Variants in LRP1B observed in about 807,000 individuals in gnomAD.
LRP1B encodes the protein LDL receptor related protein 1B, also known as low-density lipoprotein receptor-related protein 1B.
In LRP1B, 217 loss-of-function variants were observed where a neutral mutation model predicts 556.6. The observed-to-expected ratio is 0.39, with a 90% CI of 0.35 to 0.44. The LOEUF is 0.44. Among genes scored for constraint, LRP1B ranks in the 20% least tolerant of loss-of-function variants. The probability of loss-of-function intolerance (pLI) is 1.00; values close to 1 mark genes in which losing one functional copy is unlikely to be tolerated. For synonymous variants in LRP1B, 2,047 were observed against 1,865.8 expected (o/e 1.10, Z -2.50); for missense variants, 5,053 against 5,620.8 (o/e 0.90, Z 3.23).
chr2:140,782,836 T>C (rs535521385), intron 32 of LRP1B, among the ~76,000 whole-genome samples: 6 of 152,194 alleles, frequency 3.9e-5, no homozygotes, highest in Admixed American at 6.5e-5. Flanking sequence ...AATTGTCTTA[T>C]TTCATTGTCA....
intron 1 of LRP1B, among the ~76,000 whole-genome samples, chr2:141,888,341 G>A (rs1239745207): frequency 6.6e-6 from 1 of 152,184 alleles, no homozygotes; most frequent in East Asian, 1.9e-4. Flanking sequence ...GAAGTGTGAA[G>A]AGGAAGGTAA....
At chr2:141,989,707 A>G (rs543936678) in intron 1 of LRP1B, among the ~76,000 whole-genome samples, 1 of 152,050 alleles carries the variant, frequency 6.6e-6, no homozygotes, top group South Asian at 2.1e-4. Context: ...ATGGTTTTAT[A>G]ATGGCTTCCC....
At chr2:141,237,680 G>T (rs1312698068) in intron 5 of LRP1B, among the ~76,000 whole-genome samples, 9 of 152,142 alleles carry the variant, frequency 5.9e-5, no homozygotes, top group African/African-American at 2.2e-4. Context: ...TGATAATTGA[G>T]AAGCAATTCA....
At position 140,381,861 on chromosome 2, in the gene LRP1B, CAAAA is replaced by C. The variant is rs56723132; in HGVS notation, c.10532-3579_10532-3576del. On this transcript the variant is annotated intron_variant, in intron 67 of 90. Coordinates refer to ENST00000389484, the MANE Select transcript of LRP1B (RefSeq NM_018557.3). ...TGGGCAACAAAGTGAGGCTCCCTTTCAAAAAAAAAAAAAAAAAAAAAAAAAGAGG... is the reference window on the plus strand; with the variant it reads ...TGGGCAACAAAGTGAGGCTCCCTTTCAAAAAAAAAAAAAAAAAAAAAGAGG... Among the ~76,000 whole-genome samples, 15 of 64,198 alleles carry C rather than the reference CAAAA, an allele frequency of 2.3e-4. No homozygotes were observed. In the East Asian group the frequency reaches 4.2e-3, roughly 18 times the overall value. 42.1% of individuals were successfully genotyped at this position (64,198 alleles called of 152,430 possible). A position where few individuals can be genotyped will look rare whatever the true frequency, so the allele number is the denominator to read the frequency against.
At chr2:141,222,387 A>C (rs1683082596) in intron 6 of LRP1B, among the ~76,000 whole-genome samples, 1 of 152,106 alleles carries the variant, frequency 6.6e-6, no homozygotes, top group Non-Finnish European at 1.5e-5. Flanking sequence ...GACACTAATA[A>C]ATAGCCTACC....
chr2:140,916,245 C>G (rs1694575721), intron 21 of LRP1B, among the ~76,000 whole-genome samples: 1 of 151,986 alleles, frequency 6.6e-6, no homozygotes, highest in Non-Finnish European at 1.5e-5. Flanking sequence ...ATATATAACC[C>G]ATCATATAAT....
chr2:142,000,391 C>T lies in LRP1B; in HGVS notation c.82+130257G>A, dbSNP rs560384348. Among the ~76,000 whole-genome samples the T allele has an allele frequency of 5.3e-5, 8 of 152,204 alleles. No homozygotes were observed. In the South Asian group the frequency reaches 1.7e-3, roughly 32 times the overall value. On this transcript the variant is annotated intron_variant, in intron 1 of 90. Transcript: ENST00000389484. ...TGAGCCACACTGGGCCAAAGTGGTC[C>T]TAAATAATTTATACATAATTACAAT...
At chr2:141,699,423 T>C (rs1358844152) in intron 2 of LRP1B, among the ~76,000 whole-genome samples, 2 of 151,826 alleles carry the variant, frequency 1.3e-5, no homozygotes, top group African/African-American at 2.4e-5. Context: ...CATTTGTAAA[T>C]GTTGATAGTG....
intron 41 of LRP1B, chr2:140,683,949 G>C (rs1283535935): frequency 1.1e-5 from 4 of 376,166 alleles, no homozygotes; most frequent in Non-Finnish European, 2.0e-5. Context: ...TACGTGACGC[G>C]CCTTTACTTT....
intron 1 of LRP1B, among the ~76,000 whole-genome samples, chr2:142,019,400 T>A (rs1251828892): frequency 1.3e-5 from 2 of 152,170 alleles, no homozygotes; most frequent in African/African-American, 4.8e-5. Context: ...ACACCATACA[T>A]CTAATCTCAG....
intron 2 of LRP1B, among the ~76,000 whole-genome samples, chr2:141,762,636 G>A (rs116735999): frequency 0.011 from 1,651 of 152,184 alleles, 24 homozygotes; most frequent in African/African-American, 0.037. Context: ...GCATGATAAG[G>A]TTTCAACACA....
At chr2:141,523,545 A>G (rs1290705272) in intron 2 of LRP1B, among the ~76,000 whole-genome samples, 1 of 152,176 alleles carries the variant, frequency 6.6e-6, no homozygotes, top group Non-Finnish European at 1.5e-5. Context: ...AAAAATGTGT[A>G]TGGTTATTTA....
intron 1 of LRP1B, among the ~76,000 whole-genome samples, chr2:141,857,387 G>A (rs563719442): frequency 1.3e-5 from 2 of 151,676 alleles, no homozygotes; most frequent in East Asian, 3.9e-4. Context: ...GTCACCCAGG[G>A]TGAAGGGCAG....
chr2:141,235,000 C>A (rs1172310816), intron 5 of LRP1B, among the ~76,000 whole-genome samples: 1 of 151,818 alleles, frequency 6.6e-6, no homozygotes, highest in Non-Finnish European at 1.5e-5. Flanking sequence ...TATTTTTTAA[C>A]AAAAAAGCTC....
At chr2:141,490,324 A>C (rs1683281415) in intron 2 of LRP1B, among the ~76,000 whole-genome samples, 1 of 151,272 alleles carries the variant, frequency 6.6e-6, no homozygotes, top group African/African-American at 2.4e-5. Flanking sequence ...CTTTTACTGA[A>C]GGGTTTTAGA....
chr2:140,708,748 C>T (rs1250216356), intron 37 of LRP1B, among the ~76,000 whole-genome samples: 5 of 151,694 alleles, frequency 3.3e-5, no homozygotes, highest in Admixed American at 6.6e-5. Context: ...TTGATATTTT[C>T]CTATAACTAT....
At chr2:141,800,543 C>A (rs2105686312) in intron 2 of LRP1B, among the ~76,000 whole-genome samples, 1 of 152,268 alleles carries the variant, frequency 6.6e-6, no homozygotes, top group Admixed American at 6.5e-5. Flanking sequence ...TTATGTCACT[C>A]CAGTACCTTG....
At chr2:141,349,935 A>C (rs1351780533) in intron 3 of LRP1B, among the ~76,000 whole-genome samples, 1 of 152,138 alleles carries the variant, frequency 6.6e-6, no homozygotes, top group Admixed American at 6.6e-5. Context: ...ACAATTTACA[A>C]AAGAAAGAGG....
chr2:141,814,616 C>T (rs1696470378), intron 1 of LRP1B, among the ~76,000 whole-genome samples: 1 of 152,072 alleles, frequency 6.6e-6, no homozygotes, highest in Non-Finnish European at 1.5e-5. Flanking sequence ...CTAATAAATG[C>T]CAGCATCTTA....
Sources: allele counts gnomAD v4.1 joint callset (sites outside exome capture counted in the v4.1 genomes callset), GRCh38; gene constraint gnomAD v4.1.1; transcripts MANE v1.5; gene names NCBI Gene and HGNC (gene_info 2026-07-23, HGNC 2026-07-21).